LMTK2: variants seen among roughly 807,000 people sequenced by gnomAD.
The protein encoded by LMTK2 is serine/threonine-protein kinase LMTK2.
Under a neutral mutation model 127.5 loss-of-function variants are expected in LMTK2, and 37 were observed. The ratio of observed to expected loss-of-function variants is 0.29; its 90% CI spans 0.22 to 0.38. The LOEUF (loss-of-function observed/expected upper bound fraction) is 0.38. Among genes scored for constraint, LMTK2 ranks in the 10% least tolerant of loss-of-function variants. The pLI is 1.00. For missense variants in LMTK2, 1,694 were observed against 1,920.3 expected, an observed-to-expected ratio of 0.88 and a Z score of 2.20; for synonymous variants, 819 against 810.1, an observed-to-expected ratio of 1.01 and a Z score of -0.19.
intron 1 of LMTK2, among the ~76,000 whole-genome samples, chr7:98,131,689 C>G (rs1004866292): frequency 2.0e-5 from 3 of 152,060 alleles, no homozygotes; most frequent in African/African-American, 4.8e-5. Context: ...ATTAAAAATA[C>G]GATTTAAAAA....
chr7:98,208,191 T>G lies in LMTK2; in HGVS notation c.*2699T>G, dbSNP rs1797838468. ...CTCATAATTAATTGCCAAAAAAGCA[T>G]TTTATACATTGAGTTGGGGGGTAGT... On this transcript the variant is annotated 3_prime_UTR_variant, in exon 14 of 14. Transcript: ENST00000297293. 1 of 152,102 alleles carries G rather than the reference T, an allele frequency of 6.6e-6. No homozygotes were observed. The highest frequency in any genetic ancestry group is 2.4e-5 in the African/African-American group (1 of 41,412). The allele number at this position is 152,102 out of a possible 1,614,324, so 9.4% of individuals were successfully genotyped here.
rs953391140 is a variant in LMTK2, at chr7:98,193,682, A to C, written c.3217A>C (p.Ile1073Leu). 1 of 1,613,692 alleles carries C rather than the reference A, an allele frequency of 6.2e-7. No individual in the cohort carries two copies. Residue 1073 changes from isoleucine (I) to leucine (L), a missense_variant, in exon 11 of 14, where the codon ATT becomes CTT. This residue lies in a region of LMTK2 where 65 missense variants were observed against 116.5 expected (regional missense o/e 0.56). Coordinates refer to ENST00000297293, the MANE Select transcript of LMTK2 (RefSeq NM_014916.4). This position sits in a 1 kb window ranked among gnomAD's most constrained non-coding sequence, Gnocchi z 4.1. ...GHSGLPPNPV[I>L]VISDAGDGHR... is the part of the protein sequence containing the mutation. ...CAGCGGTCTGCCTCCCAACCCGGTC[A>C]TTGTCATCTCAGATGCCGGCGATGG...
chr7:98,130,079 C>A (rs1796500843), intron 1 of LMTK2, among the ~76,000 whole-genome samples: 1 of 151,988 alleles, frequency 6.6e-6, no homozygotes, highest in South Asian at 2.1e-4. Context: ...GGGAGCATGT[C>A]ATGTTAGCGT....
At chr7:98,130,632 C>A (rs1024251330) in intron 1 of LMTK2, among the ~76,000 whole-genome samples, 4 of 152,106 alleles carry the variant, frequency 2.6e-5, no homozygotes, top group Non-Finnish European at 4.4e-5. Context: ...AGTGTGACTG[C>A]TGTCCTTATA....
intron 3 of LMTK2, among the ~76,000 whole-genome samples, chr7:98,148,884 A>G (rs1233365374): frequency 6.6e-6 from 1 of 152,162 alleles, no homozygotes; most frequent in Non-Finnish European, 1.5e-5. Context: ...CTGAGTACGC[A>G]TCCTGCCCTG....
intron 6 of LMTK2, among the ~76,000 whole-genome samples, chr7:98,161,757 CAA>C (rs900789673): frequency 1.3e-5 from 2 of 151,838 alleles, no homozygotes; most frequent in East Asian, 3.9e-4. Context: ...ACAGCATCAA[CAA>C]AAAAAAGTTA....
chr7:98,208,244 G>A lies in LMTK2; in HGVS notation c.*2752G>A, dbSNP rs1438026356. The A allele has an allele frequency of 1.3e-5, 2 of 152,054 alleles. No homozygotes were observed. Among genetic ancestry groups the A allele is most frequent in the African/African-American group, 4.8e-5 (2 of 41,380 alleles). The allele number at this position is 152,054 out of a possible 1,614,324, so 9.4% of individuals were successfully genotyped here. A position where few individuals can be genotyped will look rare whatever the true frequency, so the allele number is the denominator to read the frequency against. Reference sequence around the variant, plus strand: ...ATCTTAGTGTGGTGTTGCATGGAGGGGCGAGATTTTATATTTATAATCAAC... The same window carrying A: ...ATCTTAGTGTGGTGTTGCATGGAGGAGCGAGATTTTATATTTATAATCAAC... On this transcript the variant is annotated 3_prime_UTR_variant, in exon 14 of 14. Coordinates refer to ENST00000297293, the MANE Select transcript of LMTK2 (RefSeq NM_014916.4).
At chr7:98,115,076 A>G (rs978143324) in intron 1 of LMTK2, among the ~76,000 whole-genome samples, 2 of 152,214 alleles carry the variant, frequency 1.3e-5, no homozygotes, top group African/African-American at 4.8e-5. Flanking sequence ...TGTGTGGTAC[A>G]CTAACACATT....
intron 6 of LMTK2, among the ~76,000 whole-genome samples, chr7:98,163,291 ATT>A (rs149910891): frequency 2.6e-5 from 4 of 151,566 alleles, no homozygotes; most frequent in Admixed American, 6.6e-5. Context: ...TATTTTATGC[ATT>A]TTTTTTTACC....
In LMTK2 at chr7:98,171,578, A is replaced by G. The variant is rs1260105781; in HGVS notation, c.695A>G (p.His232Arg). 2 of 1,613,800 alleles carry G rather than the reference A, an allele frequency of 1.2e-6. No individual in the cohort carries two copies. The highest frequency in any genetic ancestry group is 1.1e-5 in the South Asian group (1 of 91,060). Residue 232 changes from histidine to arginine, a missense_variant, in exon 7 of 14, where the codon CAC (histidine) becomes CGC (arginine). By Grantham distance (29) the His-to-Arg change is conservative. Transcript: ENST00000297293. This position sits in a 1 kb window ranked among gnomAD's most constrained non-coding sequence, Gnocchi z 5.1. Reference protein sequence around the residue: ...LKAYLRSEQEHMRGDSQTMLL... With the variant: ...LKAYLRSEQERMRGDSQTMLL... ...GCGTATCTGCGCAGCGAGCAGGAGC[A>G]CATGCGGGGGGACTCACAGACCATG...
At chr7:98,143,589 A>T (rs1027938837) in intron 3 of LMTK2, among the ~76,000 whole-genome samples, 2 of 152,234 alleles carry the variant, frequency 1.3e-5, no homozygotes, top group East Asian at 1.9e-4. Flanking sequence ...AGCTGAGAGC[A>T]GATAGGTAAA....
intron 1 of LMTK2, among the ~76,000 whole-genome samples, chr7:98,114,280 A>C (rs1286658946): frequency 6.9e-6 from 1 of 145,050 alleles, no homozygotes; most frequent in East Asian, 2.0e-4. Context: ...TTGTTCTGTC[A>C]CTCAGGCTGG....
chr7:98,176,489 AC>A (rs1365670606), intron 7 of LMTK2, among the ~76,000 whole-genome samples: 1 of 151,178 alleles, frequency 6.6e-6, no homozygotes, highest in Non-Finnish European at 1.5e-5. Context: ...TAATACAAAC[AC>A]AAACTATAAA....
intron 3 of LMTK2, 113 bp from the exon 4 acceptor site, chr7:98,151,269 A>G (rs1796849622): frequency 4.7e-6 from 3 of 642,568 alleles, no homozygotes; most frequent in East Asian, 3.0e-5. Context: ...TGTTTTATGT[A>G]TTTATTCCTA....
rs543043911 is a variant in LMTK2 at position 98,202,301 on chromosome 7, C to T, written c.4108-1273C>T. Among the ~76,000 whole-genome samples the T allele has an allele frequency of 5.9e-5, 9 of 152,178 alleles. No homozygotes were observed. In the South Asian group the frequency reaches 1.7e-3, roughly 28 times the overall value. ...TTGTCATTCTTCTTATCATCTGTTC[C>T]TTTGCTAAGATTTTCCCTATTTCTG... is the stretch of plus-strand genomic sequence containing the variant. On this transcript the variant is annotated intron_variant, in intron 11 of 13. Transcript: ENST00000297293.
intron 2 of LMTK2, among the ~76,000 whole-genome samples, chr7:98,140,918 G>A (rs1448958700): frequency 6.6e-6 from 1 of 151,542 alleles, no homozygotes; most frequent in African/African-American, 2.4e-5. Context: ...TTACCTGGGC[G>A]TGGTGATGCG....
chr7:98,203,640 G>A lies in LMTK2; in HGVS notation c.4174G>A (p.Ala1392Thr). 1 of 1,613,648 alleles carries A rather than the reference G, an allele frequency of 6.2e-7. No homozygotes were observed. Among genetic ancestry groups the A allele is most frequent in the Non-Finnish European group, 8.5e-7 (1 of 1,179,914 alleles). Residue 1392 changes from alanine to threonine, a missense_variant, in exon 12 of 14, where the codon GCC (alanine) becomes ACC (threonine). This residue lies in a region of LMTK2 where 554 missense variants were observed against 567.7 expected (regional missense o/e 0.98). Coordinates refer to ENST00000297293, the MANE Select transcript of LMTK2 (RefSeq NM_014916.4). ...GTGCGGCCCGGACCTGAGCGGCCCA[G>A]CCCCAGCCTCAGGCTCTCCCTACCT... ...EACGPDLSGP[A>T]PASGSPYLSR...
chr7:98,140,164 T>TCG (rs1562902848), intron 2 of LMTK2, among the ~76,000 whole-genome samples: 1 of 49,800 alleles, frequency 2.0e-5, no homozygotes, highest in Non-Finnish European at 3.1e-5. Flanking sequence ...TTTCTTTTCT[T>TCG]TTCTTTTCTT....
chr7:98,192,195 A>G lies in LMTK2; in HGVS notation c.1730A>G (p.Asp577Gly). The G allele has an allele frequency of 5.2e-6, 8 of 1,524,094 alleles. No homozygotes were observed. Among genetic ancestry groups the G allele is most frequent in the Non-Finnish European group, 7.0e-6 (8 of 1,139,206 alleles). The allele number at this position is 1,524,094 out of a possible 1,614,324, so 94.4% of individuals were successfully genotyped here. A position where few individuals can be genotyped will look rare whatever the true frequency, so the allele number is the denominator to read the frequency against. ...CCAGCGCTGCTCACAACCGACATGG[A>G]TAATCCAGAAAGGACTGGCCCTGAA... ...YPPALLTTDM[D>G]NPERTGPELS... Residue 577 changes from aspartate (D) to glycine (G), a missense_variant, in exon 11 of 14, where the codon GAT (aspartate) becomes GGT (glycine). This residue lies in a region of LMTK2 where 527 missense variants were observed against 539.8 expected (regional missense o/e 0.98). Transcript: ENST00000297293.
Sources: gnomAD v4.1 joint callset for allele counts (sites outside exome capture counted in the v4.1 genomes callset) on GRCh38, gnomAD v4.1.1 for gene constraint, gnomAD v4.1.1 regional missense constraint, Gnocchi (gnomAD v3.1) non-coding constraint, MANE v1.5 for transcripts, NCBI Gene and HGNC (gene_info 2026-07-23, HGNC 2026-07-21) for gene names.